AVEN: variants seen among roughly 807,000 people sequenced by gnomAD.
The protein encoded by AVEN is cell death regulator Aven.
In AVEN, 41 loss-of-function variants were observed where a neutral mutation model predicts 38.1. The ratio of observed to expected loss-of-function variants is 1.08; its 90% CI spans 0.84 to 1.40. AVEN has a LOEUF of 1.40. AVEN is among the 40% of genes most tolerant of loss of function. The pLI is 0.00. For missense variants in AVEN, 605 were observed against 438.8 expected (o/e 1.38, Z -3.38); for synonymous variants, 206 against 171.8 (o/e 1.20, Z -1.56).
intron 2 of AVEN, among the ~76,000 whole-genome samples, chr15:33,897,302 A>AATTT (rs59338072): frequency 2.6e-5 from 4 of 151,864 alleles, no homozygotes; most frequent in East Asian, 3.9e-4. Context: ...TTAATTAATT[A>AATTT]ATTTATTTAT....
At chr15:33,892,451 C>T (rs1213683530) in intron 2 of AVEN, among the ~76,000 whole-genome samples, 1 of 151,812 alleles carries the variant, frequency 6.6e-6, no homozygotes, top group Non-Finnish European at 1.5e-5. Flanking sequence ...ATATGGCTAG[C>T]CAGTTTTACC....
At chr15:33,900,056 G>A (rs183613625) in intron 2 of AVEN, among the ~76,000 whole-genome samples, 12 of 151,878 alleles carry the variant, frequency 7.9e-5, no homozygotes, top group African/African-American at 2.2e-4. Context: ...CACAATTATC[G>A]CATGTATTAT....
chr15:34,026,902 C>G (rs935557499), intron 1 of AVEN, among the ~76,000 whole-genome samples: 1 of 152,034 alleles, frequency 6.6e-6, no homozygotes, highest in African/African-American at 2.4e-5. Context: ...CTGTGGCCTA[C>G]GTATAATAGA....
rs868867538 is a variant in AVEN at position 34,059,849 on chromosome 15, T to C, written n.1637+3073A>G. On this transcript the variant is annotated intron_variant and non_coding_transcript_variant, in intron 5 of 11. Transcript: ENST00000675287. ...GTGCCCCTATGGCATGTTGCACCCCTGCTATTTCTATCTGCTAATTTATTT... is the reference window on the plus strand; with the variant it reads ...GTGCCCCTATGGCATGTTGCACCCCCGCTATTTCTATCTGCTAATTTATTT... Among the ~76,000 whole-genome samples, 38 of 152,354 alleles carry C rather than the reference T, an allele frequency of 2.5e-4. 1 individual carries two copies. Among genetic ancestry groups the C allele is most frequent in the African/African-American group, 8.9e-4 (37 of 41,582 alleles).
At position 33,980,371 on chromosome 15, in the gene AVEN, A is replaced by G. The variant is rs1461132581; in HGVS notation, c.445+22661T>C. ...AGACCTCAGTGCAACAGCCTGCTCT[A>G]ACGTGATTCCACCTTACCTGTTGCA... On this transcript the variant is annotated intron_variant, in intron 2 of 5. Transcript: ENST00000306730. 2.0e-5 allele frequency among the ~76,000 whole-genome samples: 3 copies of G among 152,330 alleles called. 1 individual carries two copies. The South Asian group carries it at 6.2e-4, about 32-fold the overall frequency.
chr15:33,869,731 A>G (rs1270716059), intron 4 of AVEN, among the ~76,000 whole-genome samples: 2 of 152,174 alleles, frequency 1.3e-5, no homozygotes, highest in African/African-American at 2.4e-5. Flanking sequence ...ATTCATTACT[A>G]TGCTCAAGCT....
chr15:34,020,038 G>A (rs187265742), intron 1 of AVEN, among the ~76,000 whole-genome samples: 3 of 152,264 alleles, frequency 2.0e-5, no homozygotes, highest in Non-Finnish European at 2.9e-5. Context: ...TAGGCTGGGC[G>A]CAGTGGTTCA....
chr15:33,876,255 T>C (rs781183907), intron 2 of AVEN, among the ~76,000 whole-genome samples: 5 of 152,186 alleles, frequency 3.3e-5, no homozygotes, highest in South Asian at 2.1e-4. Context: ...TAGTCATTGG[T>C]AAATAAATTT....
At chr15:33,864,780 C>G (rs1393974215), downstream of AVEN, 1 of 218,830 alleles carries the variant, frequency 4.6e-6, no homozygotes, top group Non-Finnish European at 9.1e-6. Flanking sequence ...CTGGATTCAG[C>G]ATGCAATAAA....
At chr15:33,901,747 T>C (rs1415970017) in intron 2 of AVEN, among the ~76,000 whole-genome samples, 2 of 152,238 alleles carry the variant, frequency 1.3e-5, no homozygotes, top group African/African-American at 2.4e-5. Flanking sequence ...TTAATTTGTG[T>C]TTCCCCAATG....
intron 1 of AVEN, among the ~76,000 whole-genome samples, chr15:34,023,797 C>T (rs1342231239): frequency 6.6e-6 from 1 of 152,180 alleles, no homozygotes; most frequent in Non-Finnish European, 1.5e-5. Flanking sequence ...CTAATCTATA[C>T]ACCTTCAGGC....
At chr15:33,861,130 A>G (rs1280070158) in intron 11 of AVEN, 1 of 1,597,706 alleles carries the variant, frequency 6.3e-7, no homozygotes. Context: ...ACAACCCCTC[A>G]TGGTTTTGAA....
intron 2 of AVEN, among the ~76,000 whole-genome samples, chr15:33,989,346 T>C (rs1414692225): frequency 6.6e-6 from 1 of 152,054 alleles, no homozygotes; most frequent in Non-Finnish European, 1.5e-5. Context: ...TTAGCTTTTG[T>C]ATAGAACTTT....
intron 2 of AVEN, among the ~76,000 whole-genome samples, chr15:33,899,355 T>C (rs187650283): frequency 2.0e-5 from 3 of 152,170 alleles, no homozygotes; most frequent in South Asian, 4.2e-4. Context: ...TCCTCAAAGA[T>C]TTTGCTATTG....
intron 1 of AVEN, 34 bp from the exon 2 acceptor site, chr15:34,003,243 A>C (rs1211195459): frequency 6.2e-7 from 1 of 1,606,730 alleles, no homozygotes; most frequent in Non-Finnish European, 8.5e-7. Flanking sequence ...ATAAGTAAGC[A>C]GTGGAAATCC....
chr15:33,921,129 G>A (rs1893381531), intron 2 of AVEN, among the ~76,000 whole-genome samples: 1 of 152,140 alleles, frequency 6.6e-6, no homozygotes, highest in Non-Finnish European at 1.5e-5. Flanking sequence ...ACTGTTTAAC[G>A]CTTTTCCACA....
downstream of AVEN, chr15:33,857,657 C>G: frequency 1.6e-6 from 2 of 1,238,442 alleles, no homozygotes; most frequent in Non-Finnish European, 2.3e-6. Context: ...CCCTCCACCC[C>G]TTCCCCATTT....
intron 2 of AVEN, among the ~76,000 whole-genome samples, chr15:33,918,059 T>A (rs1037981301): frequency 3.4e-4 from 52 of 152,158 alleles, no homozygotes; most frequent in African/African-American, 1.2e-3. Context: ...TATATCCAGT[T>A]CAATAAAATA....
chr15:33,869,825 CT>C (rs377321444), intron 4 of AVEN, among the ~76,000 whole-genome samples: 12,098 of 142,000 alleles, frequency 0.085, 843 homozygotes, highest in East Asian at 0.36. Flanking sequence ...CAAGGTTTCA[CT>C]TTTTTTTTTT....
Sources: gnomAD v4.1 joint callset for allele counts (sites outside exome capture counted in the v4.1 genomes callset) on GRCh38, gnomAD v4.1.1 for gene constraint, MANE v1.5 for transcripts, NCBI Gene and HGNC (gene_info 2026-07-23, HGNC 2026-07-21) for gene names.